Variants in LPCAT2 observed in about 807,000 individuals in gnomAD.
The protein encoded by LPCAT2 is lysophosphatidylcholine acyltransferase 2.
A neutral mutation model predicts 64.7 loss-of-function variants in LPCAT2; 58 were observed. The observed-to-expected ratio is 0.90, with a 90% CI of 0.73 to 1.12. The LOEUF (loss-of-function observed/expected upper bound fraction) is 1.12, where lower values mean the gene tolerates loss of function less well. LPCAT2 is among the 50% of genes most tolerant of loss of function. The pLI, the probability that LPCAT2 is intolerant of heterozygous loss-of-function variation, is 0.00. For missense variants in LPCAT2, 579 were observed against 669.8 expected (o/e 0.86, Z 1.50); for synonymous variants, 252 against 245.3 (o/e 1.03, Z -0.26).
chr16:55,559,768 GAA>G (rs1283846466), intron 11 of LPCAT2, among the ~76,000 whole-genome samples: 15 of 102,260 alleles, frequency 1.5e-4, no homozygotes, highest in South Asian at 3.1e-4. Flanking sequence ...GATACAATTT[GAA>G]AAAAAAAAAA....
At chr16:55,539,562 GA>G (rs1346653941) in intron 8 of LPCAT2, 31 of 152,046 alleles carry the variant, frequency 2.0e-4, no homozygotes, top group African/African-American at 7.2e-4. Context: ...AATACTTTAT[GA>G]TATTTTAATA....
chr16:55,549,559 A>G (rs1353473704), intron 10 of LPCAT2, among the ~76,000 whole-genome samples, 157 bp downstream of exon 10: 2 of 152,124 alleles, frequency 1.3e-5, no homozygotes. Context: ...CATTTTATTC[A>G]TCTACTTTTG....
Position 55,583,049 on chromosome 16 carries a change from T to C in LPCAT2, c.1586T>C (p.Val529Ala), listed in dbSNP as rs1265816195. Residue 529 changes from valine (V) to alanine (A), a missense_variant, in exon 14 of 14, where the codon GTC (valine) becomes GCC (alanine). Transcript: ENST00000262134. ...ACCCCCTCCACCGCCAGTAATAAAGTCAGCCCTGAAAAGCATGAAGAGAGT... is the reference window on the plus strand; with the variant it reads ...ACCCCCTCCACCGCCAGTAATAAAGCCAGCCCTGAAAAGCATGAAGAGAGT... Reference protein sequence around the residue: ...QTTPSTASNKVSPEKHEESTS... With the variant: ...QTTPSTASNKASPEKHEESTS... The C allele has an allele frequency of 6.2e-7, 1 of 1,613,628 alleles. No homozygotes were observed. Among genetic ancestry groups the C allele is most frequent in the Non-Finnish European group, 8.5e-7 (1 of 1,179,824 alleles).
intron 11 of LPCAT2, among the ~76,000 whole-genome samples, chr16:55,554,752 A>T (rs560285996): frequency 1.2e-4 from 19 of 152,274 alleles, no homozygotes; most frequent in Non-Finnish European, 2.4e-4. Context: ...AAGCTTAATC[A>T]TTTCTAGCTT....
chr16:55,526,741 G>A (rs551978457), intron 2 of LPCAT2, among the ~76,000 whole-genome samples: 4 of 151,810 alleles, frequency 2.6e-5, no homozygotes, highest in East Asian at 1.9e-4. Flanking sequence ...TTTTATTGTC[G>A]GTGGCTTATG....
At chr16:55,558,517 G>A (rs1465652973) in intron 11 of LPCAT2, among the ~76,000 whole-genome samples, 1 of 152,084 alleles carries the variant, frequency 6.6e-6, no homozygotes, top group Non-Finnish European at 1.5e-5. Context: ...CCTACCACAA[G>A]CAAGTCATAT....
chr16:55,580,826 A>G (rs1192157806), intron 13 of LPCAT2, among the ~76,000 whole-genome samples: 1 of 86,742 alleles, frequency 1.2e-5, no homozygotes, highest in Non-Finnish European at 2.3e-5. Context: ...TTAGATTCTC[A>G]TAGGAGCGCA....
At chr16:55,513,836 AGAC>A (rs1962968875) in intron 1 of LPCAT2, among the ~76,000 whole-genome samples, 1 of 152,164 alleles carries the variant, frequency 6.6e-6, no homozygotes, top group East Asian at 1.9e-4. Context: ...CTCATTGGGA[AGAC>A]TGTCTTTATT....
rs767604615 is a variant in LPCAT2, at chr16:55,509,295, G to A, written c.114G>A (p.Pro38=). 5 of 1,512,402 alleles carry A rather than the reference G, an allele frequency of 3.3e-6. No homozygotes were observed. In the African/African-American group the frequency reaches 5.7e-5, roughly 17 times the overall value. 93.7% of individuals were successfully genotyped at this position (1,512,402 alleles called of 1,614,324 possible). The stretch of plus-strand genomic sequence containing the variant: ...CCCGTCAGGCGTCCTTCTTCCCGCC[G>A]CCGGTGCCGAACCCCTTCGTGCAGC... ...MVPRQASFFP[P]PVPNPFVQQT... Residue 38 remains proline, a synonymous_variant, in exon 1 of 14, where the codon CCG becomes CCA. Transcript: ENST00000262134.
In LPCAT2 at chr16:55,546,976, G is replaced by A. The variant is rs565007952; in HGVS notation, c.935+1159G>A. ...AGCCTGGCCAACATGGTGAAACCCC[G>A]TCTCTATTAAAAATACAAAAATTAG... is the stretch of plus-strand genomic sequence containing the variant. On this transcript the variant is annotated intron_variant, in intron 9 of 13. Coordinates refer to ENST00000262134, the MANE Select transcript of LPCAT2 (RefSeq NM_017839.5). Among the ~76,000 whole-genome samples, 11 of 152,006 alleles carry A rather than the reference G, an allele frequency of 7.2e-5. No individual in the cohort carries two copies. In the South Asian group the frequency reaches 2.3e-3, roughly 32 times the overall value.
chr16:55,539,247 C>CTTT (rs11314938), intron 8 of LPCAT2: 1 of 136,180 alleles, frequency 7.3e-6, no homozygotes, highest in Non-Finnish European at 1.6e-5. Context: ...TCATGGCTTT[C>CTTT]TTTTTTTTTT....
intron 12 of LPCAT2, among the ~76,000 whole-genome samples, chr16:55,575,561 A>C (rs1251661409): frequency 6.6e-6 from 1 of 152,156 alleles, no homozygotes; most frequent in Non-Finnish European, 1.5e-5. Flanking sequence ...TTTGTCCAGC[A>C]AGAGAGCTGC....
chr16:55,514,316 G>A (rs1176587839), intron 1 of LPCAT2, among the ~76,000 whole-genome samples: 1 of 152,138 alleles, frequency 6.6e-6, no homozygotes, highest in African/African-American at 2.4e-5. Flanking sequence ...TTGAGGGACT[G>A]TACAAGCAGA....
At chr16:55,524,255 A>G (rs900611425) in intron 1 of LPCAT2, among the ~76,000 whole-genome samples, 2 of 151,994 alleles carry the variant, frequency 1.3e-5, no homozygotes, top group Non-Finnish European at 1.5e-5. Flanking sequence ...AATTAAAAAG[A>G]ATGAATTACT....
At chr16:55,539,254 TTTTTC>T (rs1285449553) in intron 8 of LPCAT2, 2 of 149,906 alleles carry the variant, frequency 1.3e-5, no homozygotes, top group Non-Finnish European at 2.9e-5. Context: ...TTTCTTTTTT[TTTTTC>T]TGTCTTTTTT....
chr16:55,571,569 T>G (rs894146541), intron 11 of LPCAT2, among the ~76,000 whole-genome samples: 1 of 152,278 alleles, frequency 6.6e-6, no homozygotes, highest in Admixed American at 6.5e-5. Flanking sequence ...GATTACGGCC[T>G]CCCTCCAAAG....
chr16:55,518,785 G>T lies in LPCAT2; in HGVS notation c.172-6723G>T, dbSNP rs188718855. Among the ~76,000 whole-genome samples, 149 of 152,240 alleles carry T rather than the reference G, an allele frequency of 9.8e-4. 1 individual carries two copies. Among genetic ancestry groups the T allele is most frequent in the African/African-American group, 3.6e-3 (148 of 41,536 alleles). On this transcript the variant is annotated intron_variant, in intron 1 of 13. Transcript: ENST00000262134. ...CATATACAAAAATTAACTCAAAGCA[G>T]ATCAAAATACTAAATGTAAGAGTTA...
chr16:55,557,330 G>A (rs1326413060), intron 11 of LPCAT2, among the ~76,000 whole-genome samples: 1 of 150,192 alleles, frequency 6.7e-6, no homozygotes, highest in Non-Finnish European at 1.5e-5. Flanking sequence ...ACACCTGAAT[G>A]TCTGTGCCTG....
rs1373867900 is a variant in LPCAT2, at chr16:55,514,170, G to C, written c.171+4818G>C. Reference sequence around the variant, plus strand: ...AAGCTAAGGGATGAGATGATCATAGGGGACTTTAAAAGCTTTGACATATTC... The same window carrying C: ...AAGCTAAGGGATGAGATGATCATAGCGGACTTTAAAAGCTTTGACATATTC... On this transcript the variant is annotated intron_variant, in intron 1 of 13. Transcript: ENST00000262134. 3.3e-5 allele frequency among the ~76,000 whole-genome samples: 5 copies of C among 152,020 alleles called. No homozygotes were observed. In the East Asian group the frequency reaches 9.6e-4, roughly 29 times the overall value.
Sources: allele counts gnomAD v4.1 joint callset (sites outside exome capture counted in the v4.1 genomes callset), GRCh38; gene constraint gnomAD v4.1.1; transcripts MANE v1.5; gene names NCBI Gene and HGNC (gene_info 2026-07-23, HGNC 2026-07-21).